ROBO2: variants seen among roughly 807,000 people sequenced by gnomAD.
ROBO2 encodes roundabout guidance receptor 2.
A neutral mutation model predicts 160.8 loss-of-function variants in ROBO2; 53 were observed. The ratio of observed to expected loss-of-function variants is 0.33; its 90% CI spans 0.26 to 0.41. ROBO2 has a LOEUF of 0.41. Among genes scored for constraint, ROBO2 ranks in the 10% least tolerant of loss-of-function variants. The pLI is 1.00. For missense variants in ROBO2, 1,577 were observed against 1,722.4 expected (o/e 0.92, Z 1.49); for synonymous variants, 664 against 611.7 (o/e 1.09, Z -1.26).
chr3:77,307,745 T>C (rs1362418204), intron 2 of ROBO2, among the ~76,000 whole-genome samples: 1 of 152,032 alleles, frequency 6.6e-6, no homozygotes, highest in East Asian at 1.9e-4. Context: ...TAGCTGAGCA[T>C]GGTGGCGGGC....
intron 1 of ROBO2, among the ~76,000 whole-genome samples, chr3:77,093,178 C>A (rs1013703682): frequency 6.6e-6 from 1 of 152,102 alleles, no homozygotes; most frequent in African/African-American, 2.4e-5. Flanking sequence ...AGAGGGGAAT[C>A]TTGTTAAAAC....
chr3:75,937,493 A>G (rs1012373671), exon 2 of ROBO2: 11 of 1,554,026 alleles, frequency 7.1e-6, no homozygotes, highest in Non-Finnish European at 8.7e-6. Context: ...TTTAAGATGC[A>G]ATGGCCAGAA....
At chr3:77,070,676 G>C (rs1180025222) in intron 1 of ROBO2, among the ~76,000 whole-genome samples, 1 of 152,146 alleles carries the variant, frequency 6.6e-6, no homozygotes, top group Non-Finnish European at 1.5e-5. Context: ...AGGAGGCATG[G>C]AATGGGATAG....
intron 2 of ROBO2, among the ~76,000 whole-genome samples, chr3:76,469,157 C>A (rs138686830): frequency 6.6e-6 from 1 of 152,042 alleles, no homozygotes; most frequent in African/African-American, 2.4e-5. Context: ...TTCATATTAC[C>A]TCAAAATGTA....
chr3:77,023,192 C>G (rs2062748181), intron 2 of ROBO2, among the ~76,000 whole-genome samples: 1 of 152,208 alleles, frequency 6.6e-6, no homozygotes, highest in Admixed American at 6.5e-5. Context: ...CTCACGAGAT[C>G]TGATGGGCTT....
At chr3:77,310,190 TA>T (rs1320164044) in intron 2 of ROBO2, among the ~76,000 whole-genome samples, 1 of 152,090 alleles carries the variant, frequency 6.6e-6, no homozygotes, top group Non-Finnish European at 1.5e-5. Flanking sequence ...AAACTCAAAT[TA>T]AGAGCCCGTT....
At chr3:77,216,588 C>T (rs1453192676) in intron 2 of ROBO2, among the ~76,000 whole-genome samples, 1 of 152,140 alleles carries the variant, frequency 6.6e-6, no homozygotes. Flanking sequence ...CTGTCCTGCA[C>T]CCACTGTCCG....
At chr3:77,518,028 C>A (rs1255984863) in intron 5 of ROBO2, among the ~76,000 whole-genome samples, 2 of 151,384 alleles carry the variant, frequency 1.3e-5, no homozygotes, top group Admixed American at 6.6e-5. Flanking sequence ...TGAGATAATT[C>A]ATAAGAAACC....
intron 2 of ROBO2, among the ~76,000 whole-genome samples, chr3:76,548,340 G>A (rs1482586382): frequency 1.3e-5 from 2 of 152,200 alleles, no homozygotes; most frequent in African/African-American, 2.4e-5. Flanking sequence ...AGTTGAATCT[G>A]GACACACATA....
At chr3:77,582,335 A>C (rs1432720072) in intron 16 of ROBO2, among the ~76,000 whole-genome samples, 1 of 152,106 alleles carries the variant, frequency 6.6e-6, no homozygotes, top group East Asian at 1.9e-4. Flanking sequence ...TCCTGGCCTC[A>C]TGTGATCCTC....
chr3:76,351,684 A>AATGT (rs1448951127), intron 2 of ROBO2, among the ~76,000 whole-genome samples: 2 of 151,954 alleles, frequency 1.3e-5, no homozygotes, highest in African/African-American at 4.8e-5. Context: ...TGTTCTTATA[A>AATGT]ATGTATGTAT....
At chr3:76,849,986 A>G (rs919161600) in intron 2 of ROBO2, among the ~76,000 whole-genome samples, 1 of 152,156 alleles carries the variant, frequency 6.6e-6, no homozygotes, top group Non-Finnish European at 1.5e-5. Context: ...CAAGAGTTCA[A>G]GACCATCCTG....
intron 2 of ROBO2, among the ~76,000 whole-genome samples, chr3:77,146,734 G>A (rs1056123853): frequency 6.6e-6 from 1 of 152,092 alleles, no homozygotes; most frequent in African/African-American, 2.4e-5. Context: ...TTGGGAGGCC[G>A]AGGAGGGCAG....
chr3:77,452,283 TG>T (rs2081198581), intron 2 of ROBO2, among the ~76,000 whole-genome samples: 2 of 152,200 alleles, frequency 1.3e-5, no homozygotes, highest in African/African-American at 4.8e-5. Flanking sequence ...ACATTTCATG[TG>T]GGAAACAGGA....
intron 2 of ROBO2, among the ~76,000 whole-genome samples, chr3:76,964,132 T>G (rs2079889551): frequency 6.6e-6 from 1 of 151,328 alleles, no homozygotes. Context: ...GTATGACATT[T>G]TGGACGGTTC....
At chr3:77,357,413 C>G (rs1553921484) in intron 2 of ROBO2, among the ~76,000 whole-genome samples, 1 of 152,084 alleles carries the variant, frequency 6.6e-6, no homozygotes, top group Non-Finnish European at 1.5e-5. Context: ...CCCTGTCATG[C>G]CTTCCACCGT....
chr3:77,289,124 A>C (rs1560437404), intron 2 of ROBO2, among the ~76,000 whole-genome samples: 1 of 152,120 alleles, frequency 6.6e-6, no homozygotes, highest in Non-Finnish European at 1.5e-5. Context: ...CTAGTGGGTG[A>C]AGTTGGTTGA....
intron 2 of ROBO2, among the ~76,000 whole-genome samples, chr3:77,182,282 A>G (rs142824982): frequency 6.6e-6 from 1 of 152,094 alleles, no homozygotes; most frequent in African/African-American, 2.4e-5. Context: ...TTACTTGTTC[A>G]TTCAACAACT....
intron 2 of ROBO2, among the ~76,000 whole-genome samples, chr3:76,471,295 G>C (rs975684451): frequency 3.3e-5 from 5 of 152,114 alleles, no homozygotes; most frequent in Non-Finnish European, 7.4e-5. Flanking sequence ...TCTTAGACTA[G>C]ACACATTTTT....
Sources: gnomAD v4.1 joint callset for allele counts (sites outside exome capture counted in the v4.1 genomes callset) on GRCh38, gnomAD v4.1.1 for gene constraint, MANE v1.5 for transcripts, NCBI Gene and HGNC (gene_info 2026-07-23, HGNC 2026-07-21) for gene names.